Variants in ARHGAP42 observed in about 807,000 individuals in gnomAD.
The protein encoded by ARHGAP42 is rho GTPase-activating protein 42.
Under a neutral mutation model 125.0 loss-of-function variants are expected in ARHGAP42, and 63 were observed. The ratio of observed to expected loss-of-function variants is 0.50; its 90% CI spans 0.41 to 0.62. ARHGAP42 has a LOEUF of 0.62. ARHGAP42 is among the 20% of genes least tolerant of loss of function. ARHGAP42 has a pLI of 0.00. For synonymous variants in ARHGAP42, 339 were observed against 351.0 expected, an observed-to-expected ratio of 0.97 and a Z score of 0.38; for missense variants, 766 against 1,024.2, an observed-to-expected ratio of 0.75 and a Z score of 3.44.
intron 4 of ARHGAP42, among the ~76,000 whole-genome samples, chr11:100,903,117 G>GCACACACACACACACACA (rs1555021069): frequency 0.019 from 2,521 of 131,920 alleles, 56 homozygotes; most frequent in Middle Eastern, 0.031. Context: ...TCCAAGATGC[G>GCACACACACACACACACA]CACACACACA....
At position 100,843,229 on chromosome 11, in the gene ARHGAP42, A is replaced by G. The variant is rs112802324; in HGVS notation, c.313-16325A>G. On this transcript the variant is annotated intron_variant, in intron 3 of 23. Transcript: ENST00000298815. ...CTAGAAAACTAGAGGAAATGGATAA[A>G]TACCTGGAAAGATACAACACTCCTA... 8.0e-3 allele frequency among the ~76,000 whole-genome samples: 1,224 copies of G among 152,228 alleles called. 7 individuals carry two copies. Among genetic ancestry groups the G allele is most frequent in the Non-Finnish European group, 0.012 (806 of 67,978 alleles).
At chr11:100,764,916 C>A (rs926591256) in intron 1 of ARHGAP42, among the ~76,000 whole-genome samples, 4 of 152,074 alleles carry the variant, frequency 2.6e-5, no homozygotes, top group African/African-American at 9.7e-5. Context: ...AGAATCCCAA[C>A]ATAATGGGCA....
chr11:100,805,443 A>T (rs956661689), intron 3 of ARHGAP42, among the ~76,000 whole-genome samples: 6 of 152,240 alleles, frequency 3.9e-5, no homozygotes, highest in Non-Finnish European at 8.8e-5. Context: ...TTAATTTTCA[A>T]TAAGTTCATC....
Position 100,959,906 on chromosome 11 carries a change from A to G in ARHGAP42, c.1186A>G (p.Asn396Asp). The G allele has an allele frequency of 6.4e-7, 1 of 1,551,500 alleles. No individual in the cohort carries two copies. The highest frequency in any genetic ancestry group is 8.7e-7 in the Non-Finnish European group (1 of 1,146,592). Reference protein sequence around the residue: ...EEMYLNEAGFNFVRKCIQAVE... With the variant: ...EEMYLNEAGFDFVRKCIQAVE... The stretch of plus-strand genomic sequence containing the variant: ...AGTGTATTTGAATGAAGCAGGGTTC[A>G]ACTTTGTGAGAAAATGCATTCAAGC... The change falls in exon 13 of 24, where the codon AAC becomes GAC. Residue 396 changes from asparagine (N) to aspartate (D), a missense_variant. Asn to Asp is a conservative substitution (Grantham distance 23). Around this residue, in one of 3 missense-constraint regions of ARHGAP42, gnomAD observed 455 missense variants for 636.5 expected, o/e 0.71. Coordinates refer to ENST00000298815, the MANE Select transcript of ARHGAP42 (RefSeq NM_152432.4).
intron 3 of ARHGAP42, chr11:100,859,341 A>T (rs1229146881): frequency 2.4e-6 from 1 of 422,522 alleles, no homozygotes; most frequent in South Asian, 5.7e-5. Flanking sequence ...TTATTTTCGT[A>T]TTTTTCACAT....
intron 1 of ARHGAP42, among the ~76,000 whole-genome samples, chr11:100,713,921 T>C (rs551441681): frequency 6.6e-6 from 1 of 151,892 alleles, no homozygotes; most frequent in Admixed American, 6.5e-5. Context: ...TTACTGTATT[T>C]ATCAGTCATC....
chr11:100,787,391 C>G (rs1039985159), intron 2 of ARHGAP42, among the ~76,000 whole-genome samples: 1 of 152,150 alleles, frequency 6.6e-6, no homozygotes, highest in Non-Finnish European at 1.5e-5. Flanking sequence ...CCTGAGTCCT[C>G]CCCAGCCATG....
chr11:100,863,081 CA>C (rs1865484995), intron 4 of ARHGAP42, among the ~76,000 whole-genome samples: 1 of 145,576 alleles, frequency 6.9e-6, no homozygotes, highest in Admixed American at 6.8e-5. Context: ...CACACACACA[CA>C]ACAACAAAAA....
At chr11:100,704,790 C>G (rs1861451770) in intron 1 of ARHGAP42, among the ~76,000 whole-genome samples, 1 of 150,982 alleles carries the variant, frequency 6.6e-6, no homozygotes, top group East Asian at 1.9e-4. Context: ...AATCCCCGCC[C>G]CCGCCGCCCA....
intron 3 of ARHGAP42, among the ~76,000 whole-genome samples, chr11:100,807,103 C>T (rs1480133040): frequency 2.6e-5 from 4 of 152,076 alleles, no homozygotes; most frequent in African/African-American, 4.8e-5. Context: ...CTGCCTTGGC[C>T]TCTCAAAGTC....
intron 3 of ARHGAP42, among the ~76,000 whole-genome samples, chr11:100,830,955 C>T (rs868045528): frequency 6.6e-6 from 1 of 151,556 alleles, no homozygotes; most frequent in African/African-American, 2.4e-5. Flanking sequence ...GAGTAATGTA[C>T]GGGGTGAGGG....
At chr11:100,855,731 A>G (rs1251473066) in intron 3 of ARHGAP42, among the ~76,000 whole-genome samples, 1 of 152,124 alleles carries the variant, frequency 6.6e-6, no homozygotes, top group Non-Finnish European at 1.5e-5. Context: ...GCCTGACTTA[A>G]ATAACCTACC....
chr11:100,913,335 G>A (rs1317899277), intron 4 of ARHGAP42, 117 bp from the exon 5 acceptor site: 2 of 341,960 alleles, frequency 5.8e-6, no homozygotes, highest in Non-Finnish European at 1.1e-5. Flanking sequence ...TTTACACATA[G>A]TTGGGACTCA....
chr11:100,894,297 CT>C (rs1866289662), intron 4 of ARHGAP42, among the ~76,000 whole-genome samples: 1 of 152,086 alleles, frequency 6.6e-6, no homozygotes, highest in Non-Finnish European at 1.5e-5. Context: ...GAGTGGTGAC[CT>C]GGGTAATTTC....
At chr11:100,938,285 C>T (rs1390553485) in intron 8 of ARHGAP42, among the ~76,000 whole-genome samples, 1 of 152,014 alleles carries the variant, frequency 6.6e-6, no homozygotes, top group East Asian at 1.9e-4. Flanking sequence ...CCAGGCTTGC[C>T]CATCATCTAA....
At chr11:100,929,753 T>A (rs973550936) in intron 6 of ARHGAP42, among the ~76,000 whole-genome samples, 5 of 152,234 alleles carry the variant, frequency 3.3e-5, no homozygotes, top group African/African-American at 1.2e-4. Flanking sequence ...AACTAGGTTA[T>A]TTGTCTTTTT....
At chr11:100,918,820 G>C (rs1867154339) in intron 5 of ARHGAP42, among the ~76,000 whole-genome samples, 1 of 152,166 alleles carries the variant, frequency 6.6e-6, no homozygotes, top group African/African-American at 2.4e-5. Flanking sequence ...AGCAGCAAGA[G>C]TCATTTCTCT....
At chr11:100,853,951 C>A (rs923580271) in intron 3 of ARHGAP42, among the ~76,000 whole-genome samples, 1 of 151,240 alleles carries the variant, frequency 6.6e-6, no homozygotes, top group East Asian at 1.9e-4. Context: ...TTGGCCTACT[C>A]AAAAGAAAGA....
rs927172118 is a variant in ARHGAP42, at chr11:100,871,501, G to A, written c.384+11876G>A. ...GTGGAGGTTGCAGTGAGCCGAGATT[G>A]CGCCACTGCACTCCAGCCTGGGTGA... On this transcript the variant is annotated intron_variant, in intron 4 of 23. Coordinates refer to ENST00000298815, the MANE Select transcript of ARHGAP42 (RefSeq NM_152432.4). Among the ~76,000 whole-genome samples the A allele has an allele frequency of 2.7e-5, 4 of 147,822 alleles. No homozygotes were observed. The East Asian group carries it at 8.1e-4, about 30-fold the overall frequency.
Sources: allele counts gnomAD v4.1 joint callset (sites outside exome capture counted in the v4.1 genomes callset), GRCh38; gene constraint gnomAD v4.1.1; regional missense constraint gnomAD v4.1.1; transcripts MANE v1.5; gene names NCBI Gene and HGNC (gene_info 2026-07-23, HGNC 2026-07-21).